The following SRBD1 variants were observed in gnomAD, a reference collection of about 807,000 sequenced individuals.
The protein encoded by SRBD1 is S1 RNA-binding domain-containing protein 1.
A neutral mutation model predicts 115.3 loss-of-function variants in SRBD1; 88 were observed. That is an observed-to-expected ratio of 0.76 (90% CI 0.64 to 0.91). SRBD1 has a LOEUF of 0.91. Among genes scored for constraint, SRBD1 ranks in the 40% least tolerant of loss-of-function variants. The pLI is 0.00. For synonymous variants in SRBD1, 509 were observed against 407.7 expected, an observed-to-expected ratio of 1.25 and a Z score of -2.99; for missense variants, 1,385 against 1,177.4, an observed-to-expected ratio of 1.18 and a Z score of -2.58.
At chr2:45,400,759 C>A (rs1440537892) in intron 19 of SRBD1, among the ~76,000 whole-genome samples, 2 of 152,024 alleles carry the variant, frequency 1.3e-5, no homozygotes, top group South Asian at 2.1e-4. Context: ...ATTAATATAA[C>A]CCCATGAGAT....
At chr2:45,521,168 C>T (rs1053166655) in intron 14 of SRBD1, among the ~76,000 whole-genome samples, 14 of 151,988 alleles carry the variant, frequency 9.2e-5, no homozygotes, top group African/African-American at 3.1e-4. Context: ...GGAAGTCTCC[C>T]GTTCCAAATC....
intron 14 of SRBD1, among the ~76,000 whole-genome samples, chr2:45,539,798 A>G (rs926791263): frequency 6.6e-6 from 1 of 152,202 alleles, no homozygotes; most frequent in African/African-American, 2.4e-5. Flanking sequence ...AAGTTCCACC[A>G]AAATAAAAAG....
intron 14 of SRBD1, among the ~76,000 whole-genome samples, chr2:45,501,419 C>T (rs980524697): frequency 7.2e-5 from 11 of 152,152 alleles, no homozygotes; most frequent in Non-Finnish European, 1.5e-4. Context: ...AACTGAGGTA[C>T]TGGGTTCATC....
At chr2:45,428,000 C>G (rs1668209816) in intron 16 of SRBD1, among the ~76,000 whole-genome samples, 1 of 152,148 alleles carries the variant, frequency 6.6e-6, no homozygotes, top group Admixed American at 6.5e-5. Flanking sequence ...CCAAGCAGAC[C>G]TAATAGACAT....
At chr2:45,485,114 G>C (rs917258888) in intron 15 of SRBD1, among the ~76,000 whole-genome samples, 5 of 151,970 alleles carry the variant, frequency 3.3e-5, no homozygotes, top group African/African-American at 1.2e-4. Context: ...GAAATTGCTG[G>C]GCCTATGTTT....
intron 16 of SRBD1, among the ~76,000 whole-genome samples, chr2:45,468,145 T>C (rs563724543): frequency 6.6e-6 from 1 of 152,276 alleles, no homozygotes; most frequent in Non-Finnish European, 1.5e-5. Flanking sequence ...TCATAAATCC[T>C]ATATATTTCA....
intron 15 of SRBD1, among the ~76,000 whole-genome samples, chr2:45,481,629 G>A (rs1217413972): frequency 6.6e-6 from 1 of 152,024 alleles, no homozygotes; most frequent in East Asian, 1.9e-4. Flanking sequence ...ACACTCAGGA[G>A]AAATGGAAAC....
chr2:45,555,615 T>C (rs1292484510), intron 10 of SRBD1, among the ~76,000 whole-genome samples: 1 of 150,386 alleles, frequency 6.6e-6, no homozygotes, highest in Non-Finnish European at 1.5e-5. Flanking sequence ...CTCAGCCTCC[T>C]GAGTAGCTGG....
chr2:45,460,964 TG>T (rs2103772146), intron 16 of SRBD1, among the ~76,000 whole-genome samples: 1 of 152,214 alleles, frequency 6.6e-6, no homozygotes, highest in East Asian at 1.9e-4. Flanking sequence ...CAGGAATGAC[TG>T]GTCATGATGA....
intron 15 of SRBD1, among the ~76,000 whole-genome samples, chr2:45,485,736 A>G (rs1670097990): frequency 6.6e-6 from 1 of 152,200 alleles, no homozygotes; most frequent in African/African-American, 2.4e-5. Flanking sequence ...AAACTTTTAG[A>G]GGACTTAAAG....
intron 14 of SRBD1, 27 bp downstream of exon 14, chr2:45,546,705 G>A (rs768545889): frequency 1.9e-6 from 3 of 1,604,192 alleles, no homozygotes; most frequent in African/African-American, 2.7e-5. Context: ...GCTTCTCCAA[G>A]AAAAGAGATA....
chr2:45,603,468 A>G (rs1674165049), intron 2 of SRBD1, among the ~76,000 whole-genome samples: 2 of 152,192 alleles, frequency 1.3e-5, no homozygotes, highest in Non-Finnish European at 2.9e-5. Context: ...CTTAGTCCTC[A>G]GCCCTCTATG....
chr2:45,497,025 G>A (rs781209655), intron 14 of SRBD1, among the ~76,000 whole-genome samples: 7 of 152,104 alleles, frequency 4.6e-5, no homozygotes, highest in African/African-American at 1.4e-4. Context: ...CAGTTCAGCC[G>A]GCTGCTTCTT....
At chr2:45,439,829 A>T (rs184870299) in intron 16 of SRBD1, among the ~76,000 whole-genome samples, 49 of 152,138 alleles carry the variant, frequency 3.2e-4, no homozygotes, top group African/African-American at 1.1e-3. Flanking sequence ...AATACAACCT[A>T]AGTTTCTAAC....
chr2:45,490,905 T>C (rs1222302244), intron 14 of SRBD1, among the ~76,000 whole-genome samples: 1 of 152,210 alleles, frequency 6.6e-6, no homozygotes, highest in Non-Finnish European at 1.5e-5. Context: ...TTTCATATGC[T>C]TTACTTACTG....
At chr2:45,486,788 G>A (rs1025161083) in intron 15 of SRBD1, among the ~76,000 whole-genome samples, 1 of 150,804 alleles carries the variant, frequency 6.6e-6, no homozygotes, top group Non-Finnish European at 1.5e-5. Context: ...TAAAAAGTGG[G>A]GATAATAATA....
At chr2:45,511,629 T>G (rs1670973074) in intron 14 of SRBD1, among the ~76,000 whole-genome samples, 1 of 152,232 alleles carries the variant, frequency 6.6e-6, no homozygotes, top group South Asian at 2.1e-4. Flanking sequence ...GATCAAAGTT[T>G]CAATTTTAAC....
At chr2:45,430,121 C>A (rs910851041) in intron 16 of SRBD1, among the ~76,000 whole-genome samples, 1 of 151,972 alleles carries the variant, frequency 6.6e-6, no homozygotes, top group African/African-American at 2.4e-5. Flanking sequence ...CAAACCACTG[C>A]GCAAGGAAAA....
chr2:45,461,209 T>C (rs190836436), intron 16 of SRBD1, among the ~76,000 whole-genome samples: 69 of 152,306 alleles, frequency 4.5e-4, no homozygotes, highest in Non-Finnish European at 8.1e-4. Flanking sequence ...GAAGCAGAGA[T>C]AAAATATAAA....
Sources: gnomAD v4.1 joint callset for allele counts (sites outside exome capture counted in the v4.1 genomes callset) on GRCh38, gnomAD v4.1.1 for gene constraint, MANE v1.5 for transcripts, NCBI Gene and HGNC (gene_info 2026-07-23, HGNC 2026-07-21) for gene names.